Variants in EXD1 observed in about 807,000 individuals in gnomAD.
EXD1 encodes the protein piRNA biogenesis protein EXD1.
EXD1 carries 63 observed loss-of-function variants against 49.1 expected under a neutral mutation model. That is an observed-to-expected ratio of 1.28 (90% CI 1.05 to 1.58). The LOEUF (loss-of-function observed/expected upper bound fraction) is 1.58. EXD1 is among the 40% of genes most tolerant of loss of function. The pLI, the probability that EXD1 is intolerant of heterozygous loss-of-function variation, is 0.00. For synonymous variants in EXD1, 234 were observed against 239.2 expected, an observed-to-expected ratio of 0.98 and a Z score of 0.20; for missense variants, 748 against 666.0, an observed-to-expected ratio of 1.12 and a Z score of -1.36.
rs2046372808 is a variant in EXD1 at position 41,184,436 on chromosome 15, T to C, written c.1214A>G (p.Lys405Arg). 5 of 1,614,080 alleles carry C rather than the reference T, an allele frequency of 3.1e-6. No homozygotes were observed. The Admixed American group carries it at 8.3e-5, about 27-fold the overall frequency. The stretch of plus-strand genomic sequence containing the variant: ...TAAGAAGCCTTTGACTTTCTCCTCT[T>C]TCCCTGCTGTCTCTGTCACTAATTT... Reference protein sequence around the residue: ...PKKLVTETAGKEEKVKGFLFG... With the variant: ...PKKLVTETAGREEKVKGFLFG... Residue 405 changes from lysine (K) to arginine (R), a missense_variant, in exon 12 of 12, where the codon AAA becomes AGA. Coordinates refer to ENST00000458580, the MANE Select transcript of EXD1 (RefSeq NM_001286441.2).
intron 11 of EXD1, among the ~76,000 whole-genome samples, chr15:41,188,479 A>G (rs2046451245): frequency 6.6e-6 from 1 of 151,222 alleles, no homozygotes; most frequent in African/African-American, 2.4e-5. Flanking sequence ...TGCAACCCCT[A>G]CCTCCTGGGT....
chr15:41,215,250 G>A (rs1047723000), intron 6 of EXD1, among the ~76,000 whole-genome samples: 20 of 152,142 alleles, frequency 1.3e-4, no homozygotes, highest in Non-Finnish European at 1.5e-4. Context: ...TCTTGCATTA[G>A]AATATAAGCT....
chr15:41,209,644 A>T, intron 6 of EXD1, 57 bp from the exon 7 acceptor site: 1 of 1,441,010 alleles, frequency 6.9e-7, no homozygotes, highest in Non-Finnish European at 9.7e-7. Context: ...TGGCATGATA[A>T]CATCATGATT....
In EXD1 at chr15:41,203,916, C is replaced by CAAAAAAAAAA. The variant is rs1187093511; in HGVS notation, c.534+5575_534+5584dup. On this transcript the variant is annotated intron_variant, in intron 7 of 11. Transcript: ENST00000458580. ...TGGGCAAAAGAGCAAGACTTCTCCTCAAAAAAAAAAAAAAAAAAAAAAAAA... is the reference window on the plus strand; with the variant it reads ...TGGGCAAAAGAGCAAGACTTCTCCTCAAAAAAAAAAAAAAAAAAAAAAAAAAAAAAAAAAA... Among the ~76,000 whole-genome samples, 61 of 23,238 alleles carry CAAAAAAAAAA rather than the reference C, an allele frequency of 2.6e-3. 2 individuals are homozygous for CAAAAAAAAAA. The highest frequency in any genetic ancestry group is 6.0e-3 in the African/African-American group (22 of 3,650). 15.2% of individuals were successfully genotyped at this position (23,238 alleles called of 152,430 possible).
At chr15:41,220,794 A>T (rs1480326927) in intron 2 of EXD1, among the ~76,000 whole-genome samples, 1 of 152,122 alleles carries the variant, frequency 6.6e-6, no homozygotes, top group African/African-American at 2.4e-5. Flanking sequence ...CACCCTCACT[A>T]TTCCACTGAA....
intron 10 of EXD1, among the ~76,000 whole-genome samples, chr15:41,191,172 C>T (rs960317685): frequency 4.6e-5 from 7 of 152,106 alleles, no homozygotes; most frequent in Non-Finnish European, 8.8e-5. Flanking sequence ...GTGATCCGCC[C>T]GCCTCAGCCT....
chr15:41,217,340 A>G (rs2047015892), intron 3 of EXD1, among the ~76,000 whole-genome samples, 186 bp from the exon 4 acceptor site: 1 of 151,878 alleles, frequency 6.6e-6, no homozygotes, highest in African/African-American at 2.4e-5. Flanking sequence ...AGTACCAAAG[A>G]CTCTCAGTAT....
chr15:41,191,741 T>G (rs2046522287), intron 9 of EXD1, among the ~76,000 whole-genome samples, 156 bp from the exon 10 acceptor site: 1 of 152,022 alleles, frequency 6.6e-6, no homozygotes, highest in South Asian at 2.1e-4. Context: ...TTCAGCCAAC[T>G]TATTCTGAAA....
At chr15:41,192,594 ATTTTTTTTTTTTT>A (rs59054803) in intron 9 of EXD1, among the ~76,000 whole-genome samples, 134 of 40,842 alleles carry the variant, frequency 3.3e-3, no homozygotes, top group African/African-American at 8.6e-3. Context: ...TGCGCCAGGC[ATTTTTTTTTTTTT>A]TTTTTTTTTT....
chr15:41,190,496 A>T (rs1348046758), intron 10 of EXD1: 1 of 287,810 alleles, frequency 3.5e-6, no homozygotes, highest in Non-Finnish European at 6.8e-6. Flanking sequence ...AGAAAAAAAA[A>T]GAAAAGAAAA....
At chr15:41,205,579 A>C (rs1348885749) in intron 7 of EXD1, among the ~76,000 whole-genome samples, 1 of 151,890 alleles carries the variant, frequency 6.6e-6, no homozygotes, top group Non-Finnish European at 1.5e-5. Context: ...GGAGTTTGAG[A>C]CCAGCCTGGG....
At chr15:41,217,048 AT>A (rs1412626346) in intron 4 of EXD1, 48 bp downstream of exon 4, 1 of 1,530,352 alleles carries the variant, frequency 6.5e-7, no homozygotes, top group East Asian at 2.2e-5. Flanking sequence ...TTCTACCCTA[AT>A]GTGCACATTT....
intron 7 of EXD1, among the ~76,000 whole-genome samples, chr15:41,206,603 T>C (rs2046825968): frequency 6.8e-6 from 1 of 146,496 alleles, no homozygotes; most frequent in South Asian, 2.2e-4. Context: ...AATATAACAA[T>C]CCTGTTATTC....
chr15:41,211,207 G>T (rs1470262086), intron 6 of EXD1, among the ~76,000 whole-genome samples: 1 of 152,052 alleles, frequency 6.6e-6, no homozygotes, highest in East Asian at 1.9e-4. Flanking sequence ...GACCTCCGGG[G>T]CTTAGCTGAT....
At chr15:41,196,312 ATT>A (rs572843554) in intron 7 of EXD1, among the ~76,000 whole-genome samples, 10 of 108,110 alleles carry the variant, frequency 9.2e-5, no homozygotes, top group Non-Finnish European at 8.9e-5. Context: ...CGCCCAGCTA[ATT>A]TTTTTTTTTT....
Position 41,195,946 on chromosome 15 carries a change from T to TAG in EXD1, c.625_626insCT (p.Lys209ThrfsTer5). On this transcript the variant is annotated frameshift_variant, in exon 8 of 12. Transcript: ENST00000458580. LOFTEE classifies it high-confidence loss of function. Reference sequence around the variant, plus strand: ...TTATATACTTACCTTCAAAATTCTCTTGTCTTCTAGTATCATCTGAAGTCC... The same window carrying TAG: ...TTATATACTTACCTTCAAAATTCTCTAGTGTCTTCTAGTATCATCTGAAGTCC... 1 of 1,610,794 alleles carries TAG rather than the reference T, an allele frequency of 6.2e-7. No homozygotes were observed. Among genetic ancestry groups the TAG allele is most frequent in the Non-Finnish European group, 8.5e-7 (1 of 1,178,786 alleles).
intron 4 of EXD1, 117 bp from the exon 5 acceptor site, chr15:41,216,912 T>G (rs2047008657): frequency 1.4e-6 from 2 of 1,459,926 alleles, no homozygotes; most frequent in Non-Finnish European, 1.9e-6. Context: ...AGAGGACCCA[T>G]TCATCCACTG....
rs2046358296 is a variant in EXD1, at chr15:41,183,813, T to C, written c.*118A>G. On this transcript the variant is annotated 3_prime_UTR_variant, in exon 12 of 12. Coordinates refer to ENST00000458580, the MANE Select transcript of EXD1 (RefSeq NM_001286441.2). ...CAGGAGTAAGCAAGAGGATATAATT[T>C]TCCCCTGTGACTGAAGCATTACTAC... is the stretch of plus-strand genomic sequence containing the variant. The C allele has an allele frequency of 6.3e-6, 6 of 956,234 alleles. No homozygotes were observed. The South Asian group carries it at 1.1e-4, about 18-fold the overall frequency. The allele number at this position is 956,234 out of a possible 1,614,324, so 59.2% of individuals were successfully genotyped here.
chr15:41,213,851 A>G (rs74703871), intron 6 of EXD1, among the ~76,000 whole-genome samples: 24,524 of 152,172 alleles, frequency 0.16, 3,643 homozygotes, highest in African/African-American at 0.39. Flanking sequence ...CTAAAAGAAA[A>G]TGAGCTGTAC....
Sources: gnomAD v4.1 joint callset for allele counts (sites outside exome capture counted in the v4.1 genomes callset) on GRCh38, gnomAD v4.1.1 for gene constraint, MANE v1.5 for transcripts, NCBI Gene and HGNC (gene_info 2026-07-23, HGNC 2026-07-21) for gene names.